Variants in PTPRR observed in about 807,000 individuals in gnomAD.
PTPRR encodes protein tyrosine phosphatase receptor type R, also known as receptor-type tyrosine-protein phosphatase R.
PTPRR carries 38 observed loss-of-function variants against 77.2 expected under a neutral mutation model. The ratio of observed to expected loss-of-function variants is 0.49; its 90% CI spans 0.38 to 0.65. PTPRR has a LOEUF of 0.65. Ranked by LOEUF, PTPRR falls within the 30% of genes least tolerant of loss-of-function variation. PTPRR has a pLI of 0.00. For synonymous variants in PTPRR, 299 were observed against 283.1 expected (o/e 1.06, Z -0.57); for missense variants, 744 against 799.2 (o/e 0.93, Z 0.83).
chr12:70,834,432 T>A (rs1892267543), intron 2 of PTPRR, among the ~76,000 whole-genome samples: 2 of 152,218 alleles, frequency 1.3e-5, no homozygotes, highest in Non-Finnish European at 2.9e-5. Flanking sequence ...TTTGTCAGGC[T>A]GTTCAAATAA....
chr12:70,825,917 C>T (rs963795147), intron 2 of PTPRR, among the ~76,000 whole-genome samples: 1 of 152,212 alleles, frequency 6.6e-6, no homozygotes, highest in African/African-American at 2.4e-5. Flanking sequence ...TGTTTTTGGG[C>T]TAGAAAACAT....
intron 2 of PTPRR, among the ~76,000 whole-genome samples, chr12:70,796,512 T>C (rs977140741): frequency 5.9e-5 from 9 of 152,154 alleles, no homozygotes; most frequent in Non-Finnish European, 1.3e-4. Flanking sequence ...CTAAAGATAA[T>C]CATGGAAGCT....
Position 70,920,544 on chromosome 12 carries a change from A to C in PTPRR, c.-154T>G, listed in dbSNP as rs999314602. 19 of 667,098 alleles carry C rather than the reference A, an allele frequency of 2.8e-5. No homozygotes were observed. The Admixed American group carries it at 4.4e-4, about 16-fold the overall frequency. The allele number at this position is 667,098 out of a possible 1,614,324, so 41.3% of individuals were successfully genotyped here. On this transcript the variant is annotated 5_prime_UTR_variant, in exon 1 of 14. Transcript: ENST00000283228. ...AGCAGTCAGTCTGTGGCGCCGACAGAAACCAGCACCAGCTTCAACCTCCCT... is the reference window on the plus strand; with the variant it reads ...AGCAGTCAGTCTGTGGCGCCGACAGCAACCAGCACCAGCTTCAACCTCCCT...
chr12:70,767,531 T>C (rs569680260), intron 2 of PTPRR, among the ~76,000 whole-genome samples: 284 of 152,126 alleles, frequency 1.9e-3, no homozygotes, highest in African/African-American at 6.2e-3. Flanking sequence ...CTGAGTGACC[T>C]ACAAAGAGAC....
intron 4 of PTPRR, among the ~76,000 whole-genome samples, chr12:70,756,510 GC>G (rs1890567654): frequency 6.6e-6 from 1 of 152,148 alleles, no homozygotes; most frequent in African/African-American, 2.4e-5. Flanking sequence ...TTAACCCCAT[GC>G]TTTTTATATT....
chr12:70,822,569 G>C (rs1048302634), intron 2 of PTPRR, among the ~76,000 whole-genome samples: 2 of 152,124 alleles, frequency 1.3e-5, no homozygotes, highest in South Asian at 4.1e-4. Context: ...GAGGTGCCAG[G>C]ATTCTGCATG....
intron 2 of PTPRR, among the ~76,000 whole-genome samples, chr12:70,815,970 G>A (rs778290345): frequency 4.7e-4 from 71 of 152,064 alleles, no homozygotes; most frequent in Middle Eastern, 3.4e-3. Context: ...CACATATTGC[G>A]ATGAACATGA....
At chr12:70,651,588 G>A (rs1886396938) in intron 13 of PTPRR, among the ~76,000 whole-genome samples, 1 of 152,104 alleles carries the variant, frequency 6.6e-6, no homozygotes, top group Non-Finnish European at 1.5e-5. Context: ...AAAAATTATG[G>A]TGTCCCGTTG....
chr12:70,858,505 T>G (rs1467959679), intron 2 of PTPRR, among the ~76,000 whole-genome samples: 1 of 152,056 alleles, frequency 6.6e-6, no homozygotes, highest in Non-Finnish European at 1.5e-5. Flanking sequence ...TTTATTCTGA[T>G]CCACCCAAGA....
intron 2 of PTPRR, among the ~76,000 whole-genome samples, chr12:70,805,986 G>T (rs1891703483): frequency 6.6e-6 from 1 of 152,180 alleles, no homozygotes; most frequent in African/African-American, 2.4e-5. Context: ...AAAGCATAAA[G>T]TTCTTTATAT....
chr12:70,885,933 A>G (rs1237093537), intron 2 of PTPRR, among the ~76,000 whole-genome samples: 2 of 152,208 alleles, frequency 1.3e-5, no homozygotes, highest in African/African-American at 4.8e-5. Context: ...CAAAAATATT[A>G]CTAAGTTATT....
chr12:70,765,165 A>G (rs1040103865), intron 2 of PTPRR, among the ~76,000 whole-genome samples: 91 of 152,262 alleles, frequency 6.0e-4, no homozygotes, highest in African/African-American at 2.0e-3. Context: ...GGCGCAGGAC[A>G]GTGGGTGCAG....
chr12:70,887,628 C>T (rs941170970), intron 2 of PTPRR, among the ~76,000 whole-genome samples: 3 of 151,932 alleles, frequency 2.0e-5, no homozygotes, highest in African/African-American at 7.3e-5. Context: ...GTGCTAGACA[C>T]AAGATTTGCA....
intron 13 of PTPRR, among the ~76,000 whole-genome samples, chr12:70,649,468 AAGC>A (rs1267539761): frequency 4.6e-5 from 7 of 152,310 alleles, no homozygotes; most frequent in Admixed American, 3.3e-4. Context: ...AAGGCCTGTG[AAGC>A]TCGTATTCTG....
intron 2 of PTPRR, among the ~76,000 whole-genome samples, chr12:70,877,122 C>A (rs1054823736): frequency 5.3e-5 from 8 of 152,150 alleles, no homozygotes; most frequent in Non-Finnish European, 1.0e-4. Flanking sequence ...ACAAAGCAGA[C>A]ACTCAGGCAG....
intron 12 of PTPRR, among the ~76,000 whole-genome samples, chr12:70,658,780 A>T (rs933873289): frequency 5.3e-5 from 8 of 151,652 alleles, no homozygotes; most frequent in Non-Finnish European, 1.2e-4. Context: ...TCTTCAGAAA[A>T]ATTCACATAA....
intron 8 of PTPRR, among the ~76,000 whole-genome samples, chr12:70,688,047 G>A (rs949663): frequency 1.3e-5 from 2 of 152,044 alleles, no homozygotes; most frequent in Admixed American, 1.3e-4. Context: ...TGTTGGTCAG[G>A]GGCAGACTGA....
intron 6 of PTPRR, among the ~76,000 whole-genome samples, chr12:70,716,602 C>A (rs1889040835): frequency 1.3e-5 from 2 of 152,144 alleles, no homozygotes; most frequent in African/African-American, 4.8e-5. Context: ...CTTTTTTCAG[C>A]CACTTTGGAT....
At position 70,668,014 on chromosome 12, in the gene PTPRR, C is replaced by T. The variant is rs1317565168; in HGVS notation, c.1498-5409G>A. On this transcript the variant is annotated intron_variant, in intron 10 of 13. Transcript: ENST00000283228. ...CACTAGTTTGAATAAACAGATTCAA[C>T]GTTTTTTTTAAAACCTGATCAAAAT... Among the ~76,000 whole-genome samples the T allele has an allele frequency of 1.1e-4, 16 of 152,090 alleles. 2 individuals are homozygous for T. In the East Asian group the frequency reaches 2.3e-3, roughly 22 times the overall value.
Sources: allele counts gnomAD v4.1 joint callset (sites outside exome capture counted in the v4.1 genomes callset), GRCh38; gene constraint gnomAD v4.1.1; transcripts MANE v1.5; gene names NCBI Gene and HGNC (gene_info 2026-07-23, HGNC 2026-07-21).